CD96: variants seen among roughly 807,000 people sequenced by gnomAD.
The protein encoded by CD96 is CD96 molecule.
In CD96, 70 loss-of-function variants were observed where a neutral mutation model predicts 71.3. That is an observed-to-expected ratio of 0.98 (90% CI 0.81 to 1.20). The LOEUF is 1.20. Ranked by LOEUF, CD96 falls within the 50% of genes most tolerant of loss-of-function variation. The pLI is 0.00. For missense variants in CD96, 742 were observed against 677.5 expected (o/e 1.10, Z -1.06); for synonymous variants, 248 against 233.0 (o/e 1.06, Z -0.59).
intron 3 of CD96, chr3:111,570,558 A>C: frequency 7.3e-7 from 1 of 1,361,624 alleles, no homozygotes; most frequent in Non-Finnish European, 1.0e-6. Flanking sequence ...CTGGCCAGAC[A>C]TCAGGGGGCA....
intron 2 of CD96, among the ~76,000 whole-genome samples, chr3:111,555,092 TCA>T (rs1000998306): frequency 4.1e-4 from 62 of 152,240 alleles, no homozygotes; most frequent in African/African-American, 1.5e-3. Context: ...CTTTTCTTAC[TCA>T]CACACTGCTC....
chr3:111,611,075 G>T (rs943681984), intron 8 of CD96, among the ~76,000 whole-genome samples: 1 of 152,098 alleles, frequency 6.6e-6, no homozygotes, highest in Non-Finnish European at 1.5e-5. Context: ...AGTCCCTTTG[G>T]CTCTGCCTCC....
chr3:111,545,209 C>T lies in CD96; in HGVS notation c.225C>T (p.Tyr75=), dbSNP rs375044112. ...IDLIAVYHPQ[Y]GFYCAYGRPC... is the part of the protein sequence containing the mutation. The stretch of plus-strand genomic sequence containing the variant: ...TGATTGCTGTCTATCATCCCCAATA[C>T]GGCTTCTACTGTGCCTATGGGAGAC... Residue 75 remains tyrosine (Y), a synonymous_variant, in exon 2 of 14, where the codon TAC becomes TAT. Transcript: ENST00000352690. 35 of 1,613,998 alleles carry T rather than the reference C, an allele frequency of 2.2e-5. No homozygotes were observed. Among genetic ancestry groups the T allele is most frequent in the Non-Finnish European group, 2.7e-5 (32 of 1,179,950 alleles).
At position 111,623,809 on chromosome 3, in the gene CD96, C is replaced by T. The variant is rs1162310451; in HGVS notation, c.1236C>T (p.Asn412=). 1.9e-6 allele frequency: 3 copies of T among 1,608,490 alleles called. No individual in the cohort carries two copies. The highest frequency in any genetic ancestry group is 1.7e-5 in the Admixed American group (1 of 60,010). Residue 412 remains asparagine (N), a synonymous_variant, in exon 9 of 14, where the codon AAC becomes AAT. Transcript: ENST00000352690. The part of the protein sequence containing the change: ...TLVDVSALRP[N]TTPQPSNSSM... Reference sequence around the variant, plus strand: ...TAGATGTGAGTGCCTTGAGGCCAAACACCACTCCTCAACGTGAGTTCAGCA... The same window carrying T: ...TAGATGTGAGTGCCTTGAGGCCAAATACCACTCCTCAACGTGAGTTCAGCA...
At chr3:111,574,775 T>C (rs1238760792) in intron 3 of CD96, among the ~76,000 whole-genome samples, 1 of 148,036 alleles carries the variant, frequency 6.8e-6, no homozygotes, top group Non-Finnish European at 1.5e-5. Context: ...TATTTAAAAA[T>C]ATGAATTTTT....
At position 111,623,755 on chromosome 3, in the gene CD96, A is replaced by G. The variant is rs1423649756; in HGVS notation, c.1182A>G (p.Arg394=). 1.2e-6 allele frequency: 2 copies of G among 1,600,302 alleles called. No individual in the cohort carries two copies. Among genetic ancestry groups the G allele is most frequent in the South Asian group, 1.1e-5 (1 of 90,786 alleles). Residue 394 remains arginine (R), a splice_region_variant and synonymous_variant, in exon 9 of 14, where the codon AGA becomes AGG. Coordinates refer to ENST00000352690, the MANE Select transcript of CD96 (RefSeq NM_005816.5). Reference sequence around the variant, plus strand: ...TTGGGAATTTTATTTTCAAAATAGGATATCCAGCTACATCTTCAGTGACCC... The same window carrying G: ...TTGGGAATTTTATTTTCAAAATAGGGTATCCAGCTACATCTTCAGTGACCC... ...PSPASSVSPA[R]YPATSSVTLV...
At chr3:111,663,521 C>G (rs1385105203) in intron 14 of CD96, among the ~76,000 whole-genome samples, 1 of 151,804 alleles carries the variant, frequency 6.6e-6, no homozygotes, top group South Asian at 2.1e-4. Context: ...AATCAACAAG[C>G]AAAAAACAAC....
intron 5 of CD96, chr3:111,592,799 TTAAAC>T (rs1419440055): frequency 1.3e-5 from 2 of 152,244 alleles, no homozygotes; most frequent in Non-Finnish European, 2.9e-5. Flanking sequence ...TACTGAATGT[TTAAAC>T]TAAGTAAGTT....
chr3:111,594,390 G>A, intron 5 of CD96: 3 of 624,550 alleles, frequency 4.8e-6, no homozygotes, highest in Non-Finnish European at 2.7e-6. Flanking sequence ...GAGAGTCAGG[G>A]GTGAGTCAGA....
chr3:111,584,644 C>T (rs573992030), intron 4 of CD96, among the ~76,000 whole-genome samples: 121 of 152,216 alleles, frequency 7.9e-4, no homozygotes, highest in African/African-American at 2.7e-3. Flanking sequence ...GAAGCAAAGG[C>T]GGGAATCCCT....
intron 12 of CD96, among the ~76,000 whole-genome samples, chr3:111,644,189 C>T (rs1939722293): frequency 6.6e-6 from 1 of 152,050 alleles, no homozygotes; most frequent in South Asian, 2.1e-4. Flanking sequence ...AACTGATCTT[C>T]AACAAAGCAA....
intron 2 of CD96, among the ~76,000 whole-genome samples, chr3:111,545,960 A>C (rs1232483795): frequency 6.6e-6 from 1 of 151,896 alleles, no homozygotes; most frequent in African/African-American, 2.4e-5. Flanking sequence ...CAACAAAAGG[A>C]TGGCATGACA....
chr3:111,606,895 T>C (rs930102135), intron 8 of CD96, 103 bp downstream of exon 8: 6 of 774,312 alleles, frequency 7.7e-6, no homozygotes, highest in African/African-American at 6.9e-5. Flanking sequence ...TAGCTATGAC[T>C]TTTTTGGGGC....
At chr3:111,628,003 C>A (rs1327432888) in intron 10 of CD96, among the ~76,000 whole-genome samples, 1 of 151,976 alleles carries the variant, frequency 6.6e-6, no homozygotes, top group Non-Finnish European at 1.5e-5. Context: ...GGTCAGCAAA[C>A]TCAAAGATCA....
Position 111,542,235 on chromosome 3 carries a change from G to A in CD96, c.-14G>A. 1 of 1,609,218 alleles carries A rather than the reference G, an allele frequency of 6.2e-7. No individual in the cohort carries two copies. Reference sequence around the variant, plus strand: ...ATCATTACAGAAATGCTGGTGTAAGGTGTTCAGAAGACAATGGAGAAAAAA... The same window carrying A: ...ATCATTACAGAAATGCTGGTGTAAGATGTTCAGAAGACAATGGAGAAAAAA... On this transcript the variant is annotated 5_prime_UTR_variant, in exon 1 of 14. It adds an upstream start codon to the 5' untranslated region. Coordinates refer to ENST00000352690, the MANE Select transcript of CD96 (RefSeq NM_005816.5).
chr3:111,606,734 T>A lies in CD96; in HGVS notation c.1122T>A (p.Ser374Arg). The change falls in exon 8 of 14, where the codon AGT becomes AGA. Residue 374 changes from serine to arginine, a missense_variant. Transcript: ENST00000352690. ...TTTCCTCAACAGACCCTCCACTGAG[T>A]GTTACAGAATCTACCCTTGACACCC... ...SEISSTDPPL[S>R]VTESTLDTQP... 6.2e-7 allele frequency: 1 copy of A among 1,605,466 alleles called. No homozygotes were observed. The highest frequency in any genetic ancestry group is 1.1e-5 in the South Asian group (1 of 90,888).
intron 12 of CD96, among the ~76,000 whole-genome samples, chr3:111,647,319 T>C (rs544862680): frequency 2.6e-5 from 4 of 152,224 alleles, no homozygotes; most frequent in African/African-American, 9.6e-5. Context: ...ATGGTACATA[T>C]GTATGCTTAT....
At chr3:111,638,631 C>T (rs1167214142) in intron 12 of CD96, among the ~76,000 whole-genome samples, 3 of 152,086 alleles carry the variant, frequency 2.0e-5, no homozygotes, top group Non-Finnish European at 4.4e-5. Flanking sequence ...TCTTTTATAT[C>T]ATAAGAGAGC....
At chr3:111,600,484 A>C (rs1937443096) in intron 6 of CD96, among the ~76,000 whole-genome samples, 1 of 152,246 alleles carries the variant, frequency 6.6e-6, no homozygotes, top group Non-Finnish European at 1.5e-5. Flanking sequence ...GGTCACAAAC[A>C]AAGCAACACT....
Sources: allele counts gnomAD v4.1 joint callset (sites outside exome capture counted in the v4.1 genomes callset), GRCh38; gene constraint gnomAD v4.1.1; transcripts MANE v1.5; gene names NCBI Gene and HGNC (gene_info 2026-07-23, HGNC 2026-07-21).